MAP3K1: variants seen among roughly 807,000 people sequenced by gnomAD.
MAP3K1 encodes mitogen-activated protein kinase kinase kinase 1.
A neutral mutation model predicts 144.2 loss-of-function variants in MAP3K1; 36 were observed. The ratio of observed to expected loss-of-function variants is 0.25; its 90% confidence interval spans 0.19 to 0.33. The LOEUF (loss-of-function observed/expected upper bound fraction) is 0.33. Ranked by LOEUF, MAP3K1 falls within the 10% of genes least tolerant of loss-of-function variation. The probability of loss-of-function intolerance (pLI) is 1.00; values close to 1 mark genes in which losing one functional copy is unlikely to be tolerated. For synonymous variants in MAP3K1, 718 were observed against 688.7 expected, an observed-to-expected ratio of 1.04 and a Z score of -0.67; for missense variants, 1,650 against 1,881.9, an observed-to-expected ratio of 0.88 and a Z score of 2.28.
At position 56,885,927 on chromosome 5, in the gene MAP3K1, T is replaced by C; in HGVS notation, c.3983-5T>C. The stretch of plus-strand genomic sequence containing the variant: ...TTTATGATAATTATTTCTATTGTCT[T>C]ATAGGGGGATCGGTGGCTCATTTGC... On this transcript the variant is annotated splice_polypyrimidine_tract_variant and splice_region_variant and intron_variant, in intron 16 of 19. Transcript: ENST00000399503. 1.2e-6 allele frequency: 2 copies of C among 1,611,080 alleles called. No homozygotes were observed. Among genetic ancestry groups the C allele is most frequent in the African/African-American group, 2.7e-5 (2 of 74,992 alleles).
chr5:56,848,965 T>C (rs1008945878), intron 1 of MAP3K1, among the ~76,000 whole-genome samples: 5 of 152,258 alleles, frequency 3.3e-5, no homozygotes, highest in Non-Finnish European at 7.3e-5. Context: ...CCCATATCTC[T>C]CAAAGGCCTA....
At position 56,837,012 on chromosome 5, in the gene MAP3K1, C is replaced by T. The variant is rs1746675502; in HGVS notation, c.483-19588C>T. Among the ~76,000 whole-genome samples, 2 of 152,102 alleles carry T rather than the reference C, an allele frequency of 1.3e-5. 1 individual carries two copies. The highest frequency in any genetic ancestry group is 4.1e-4 in the South Asian group (2 of 4,828). On this transcript the variant is annotated intron_variant, in intron 1 of 19. Transcript: ENST00000399503. ...AGATGCTCCATTTTTTATGCTTATG[C>T]TGTGGTTTTAAATGTATCCTGCCAG...
intron 1 of MAP3K1, among the ~76,000 whole-genome samples, chr5:56,853,915 C>CATTTTAAT (rs1230873025): frequency 6.6e-6 from 1 of 152,062 alleles, no homozygotes; most frequent in Non-Finnish European, 1.5e-5. Flanking sequence ...ACCACTAGAG[C>CATTTTAAT]ATTTTAATGG....
At chr5:56,888,204 A>C (rs1036802901) in intron 18 of MAP3K1, 22 bp from the exon 19 acceptor site, 5 of 1,611,586 alleles carry the variant, frequency 3.1e-6, no homozygotes, top group African/African-American at 2.7e-5. Flanking sequence ...CCTATTTCCA[A>C]ATTAACTCTG....
At position 56,882,167 on chromosome 5, in the gene MAP3K1, T is replaced by TACC. The variant is rs1432084213; in HGVS notation, c.2968_2970dup (p.Thr990dup). ...CAGCCTTGTCAACCCCTTCTTCTTCTACCCCATCTGTACCAGCTGGCACTG... is the reference window on the plus strand; with the variant it reads ...CAGCCTTGTCAACCCCTTCTTCTTCTACCACCCCATCTGTACCAGCTGGCACTG... On this transcript the variant is annotated inframe_insertion, in exon 14 of 20. Coordinates refer to ENST00000399503, the MANE Select transcript of MAP3K1 (RefSeq NM_005921.2). The TACC allele has an allele frequency of 6.2e-7, 1 of 1,614,164 alleles. No homozygotes were observed. The highest frequency in any genetic ancestry group is 8.5e-7 in the Non-Finnish European group (1 of 1,180,018).
At chr5:56,823,092 C>T (rs976495014) in intron 1 of MAP3K1, among the ~76,000 whole-genome samples, 7 of 152,322 alleles carry the variant, frequency 4.6e-5, no homozygotes, top group African/African-American at 1.7e-4. Flanking sequence ...ATCATAACTT[C>T]CTCCCTCCAG....
intron 3 of MAP3K1, among the ~76,000 whole-genome samples, chr5:56,861,585 A>G (rs1454825400): frequency 1.3e-5 from 1 of 76,868 alleles, no homozygotes; most frequent in Admixed American, 1.1e-4. Context: ...AAAAAAAAAA[A>G]AAAAAGGGGC....
At chr5:56,884,552 T>C in intron 15 of MAP3K1, 112 bp from the exon 16 acceptor site, 1 of 947,666 alleles carries the variant, frequency 1.1e-6, no homozygotes, top group Non-Finnish European at 1.7e-6. Flanking sequence ...ATTGCATCCA[T>C]AAGCATAAAT....
intron 2 of MAP3K1, among the ~76,000 whole-genome samples, chr5:56,857,226 T>C (rs1747369284): frequency 6.6e-6 from 1 of 152,168 alleles, no homozygotes; most frequent in South Asian, 2.1e-4. Flanking sequence ...TTTGTTACAG[T>C]GTCAGCATGT....
chr5:56,860,853 C>CAA (rs1033540557), intron 3 of MAP3K1, among the ~76,000 whole-genome samples: 7 of 140,300 alleles, frequency 5.0e-5, no homozygotes, highest in African/African-American at 1.8e-4. Context: ...AACTCCATCT[C>CAA]AAAAAAAAAA....
chr5:56,895,360 TATTTTG>T lies in MAP3K1; in HGVS notation c.*1681_*1686del, dbSNP rs1400751182. On this transcript the variant is annotated 3_prime_UTR_variant, in exon 20 of 20. Transcript: ENST00000399503. The stretch of plus-strand genomic sequence containing the variant: ...ATGTGTTGTACTTGACTTTCTTTTT[TATTTTG>T]TTTTTTTTTTTTTTTGACTACTTAG... 1.2e-5 allele frequency: 2 copies of T among 163,262 alleles called. No individual in the cohort carries two copies. The highest frequency in any genetic ancestry group is 2.6e-5 in the Non-Finnish European group (2 of 78,300). The allele number at this position is 163,262 out of a possible 1,614,324, so 10.1% of individuals were successfully genotyped here.
At chr5:56,864,104 A>G (rs1452622066) in intron 3 of MAP3K1, among the ~76,000 whole-genome samples, 1 of 152,190 alleles carries the variant, frequency 6.6e-6, no homozygotes, top group African/African-American at 2.4e-5. Flanking sequence ...CTTATGATAT[A>G]TACTTTCTAT....
intron 1 of MAP3K1, among the ~76,000 whole-genome samples, chr5:56,852,601 T>C (rs934077476): frequency 6.6e-6 from 1 of 152,192 alleles, no homozygotes; most frequent in African/African-American, 2.4e-5. Flanking sequence ...TGACCACAAT[T>C]TTATTTATTT....
At chr5:56,865,696 TC>T in intron 5 of MAP3K1, 132 bp from the exon 6 acceptor site, 1 of 995,550 alleles carries the variant, frequency 1.0e-6, no homozygotes, top group South Asian at 1.4e-5. Context: ...TATAATGTGT[TC>T]TTATTTTTGA....
rs1340429553 is a variant in MAP3K1 at position 56,872,665 on chromosome 5, G to A, written c.1448G>A (p.Arg483Lys). ...GGGGCAGAAGAGTGTAGAAGAAATA[G>A]AGAACCTTTAATATGTCCCCTTTGT... ...SIWAEECRRN[R>K]EPLICPLCRS... The change falls in exon 8 of 20, where the codon AGA becomes AAA. Residue 483 changes from arginine (R) to lysine (K), a missense_variant. Arg to Lys is a conservative substitution (Grantham distance 26). Around this residue, in one of 6 missense-constraint regions of MAP3K1, gnomAD observed 125 missense variants for 179.9 expected, o/e 0.69. Transcript: ENST00000399503. The A allele has an allele frequency of 6.2e-7, 1 of 1,607,474 alleles. No homozygotes were observed. Among genetic ancestry groups the A allele is most frequent in the Non-Finnish European group, 8.5e-7 (1 of 1,174,830 alleles).
chr5:56,892,619 A>G (rs1226341030), intron 19 of MAP3K1, among the ~76,000 whole-genome samples: 1 of 152,194 alleles, frequency 6.6e-6, no homozygotes, highest in Non-Finnish European at 1.5e-5. Flanking sequence ...AAAAATAAGA[A>G]TGAAATAGAG....
At chr5:56,835,523 G>T (rs62358074) in intron 1 of MAP3K1, among the ~76,000 whole-genome samples, 15,022 of 151,992 alleles carry the variant, frequency 0.099, 1,210 homozygotes, top group East Asian at 0.34. Context: ...GGATGCTGCT[G>T]GTTGAGGGCT....
chr5:56,818,043 T>C (rs1280854032), intron 1 of MAP3K1, among the ~76,000 whole-genome samples: 2 of 152,220 alleles, frequency 1.3e-5, no homozygotes, highest in Non-Finnish European at 2.9e-5. Flanking sequence ...ATAATCTTTT[T>C]TAAAGAAATT....
At chr5:56,845,179 A>C (rs1031022564) in intron 1 of MAP3K1, among the ~76,000 whole-genome samples, 1 of 152,236 alleles carries the variant, frequency 6.6e-6, no homozygotes, top group Non-Finnish European at 1.5e-5. Flanking sequence ...TAAGAATTAT[A>C]GTAAGTTGTA....
Sources: allele counts gnomAD v4.1 joint callset (sites outside exome capture counted in the v4.1 genomes callset), GRCh38; gene constraint gnomAD v4.1.1; regional missense constraint gnomAD v4.1.1; transcripts MANE v1.5; gene names NCBI Gene and HGNC (gene_info 2026-07-23, HGNC 2026-07-21).